The following NSMCE2 variants were observed in gnomAD, a reference collection of about 807,000 sequenced individuals.
NSMCE2 encodes the protein NSE2 SUMO ligase component of SMC5/6 complex.
In NSMCE2, 24 loss-of-function variants were observed where a neutral mutation model predicts 23.8. The ratio of observed to expected loss-of-function variants is 1.01; its 90% CI spans 0.73 to 1.42. The LOEUF (loss-of-function observed/expected upper bound fraction) is 1.42. Among genes scored for constraint, NSMCE2 ranks in the 40% most tolerant of loss-of-function variants. NSMCE2 has a pLI of 0.00. For missense variants in NSMCE2, 284 were observed against 296.5 expected (o/e 0.96, Z 0.31); for synonymous variants, 92 against 94.1 (o/e 0.98, Z 0.13).
intron 5 of NSMCE2, among the ~76,000 whole-genome samples, chr8:125,287,694 C>T (rs1292491772): frequency 6.6e-6 from 1 of 152,122 alleles, no homozygotes; most frequent in Non-Finnish European, 1.5e-5. Context: ...CTAGCTAATG[C>T]CCCTTCTCTC....
intron 4 of NSMCE2, among the ~76,000 whole-genome samples, chr8:125,181,743 T>A (rs753066031): frequency 6.6e-6 from 1 of 151,892 alleles, no homozygotes; most frequent in Non-Finnish European, 1.5e-5. Flanking sequence ...AATAACCACT[T>A]GTGAGTGTGA....
intron 5 of NSMCE2, among the ~76,000 whole-genome samples, chr8:125,279,737 T>G (rs1827621581): frequency 6.6e-6 from 1 of 152,212 alleles, no homozygotes; most frequent in South Asian, 2.1e-4. Flanking sequence ...CATCCATATT[T>G]AAAATGTTGA....
At chr8:125,243,503 A>T (rs200227292) in intron 5 of NSMCE2, among the ~76,000 whole-genome samples, 3,776 of 91,028 alleles carry the variant, frequency 0.041, 72 homozygotes, top group African/African-American at 0.18. Flanking sequence ...TAATTTTTTA[A>T]AAAAAAAAAC....
intron 5 of NSMCE2, among the ~76,000 whole-genome samples, chr8:125,269,957 G>A (rs1827105950): frequency 6.6e-6 from 1 of 152,182 alleles, no homozygotes; most frequent in African/African-American, 2.4e-5. Context: ...ATGCAAGGCT[G>A]AACTAAAGGA....
At chr8:125,340,997 G>A (rs941581647) in intron 5 of NSMCE2, among the ~76,000 whole-genome samples, 3 of 152,002 alleles carry the variant, frequency 2.0e-5, no homozygotes, top group Non-Finnish European at 4.4e-5. Context: ...CCCTGCTTAC[G>A]TGTTCCCTCA....
chr8:125,220,045 C>T (rs1824783597), intron 5 of NSMCE2, among the ~76,000 whole-genome samples: 1 of 152,156 alleles, frequency 6.6e-6, no homozygotes, highest in South Asian at 2.1e-4. Flanking sequence ...TTTTGAAAGG[C>T]AGACCAAACC....
At chr8:125,320,989 G>A (rs1328817307) in intron 5 of NSMCE2, among the ~76,000 whole-genome samples, 2 of 151,680 alleles carry the variant, frequency 1.3e-5, no homozygotes, top group Admixed American at 6.6e-5. Flanking sequence ...GAAGAGAGAG[G>A]GGCTACGCAC....
chr8:125,104,495 C>G (rs1254784811), intron 3 of NSMCE2, among the ~76,000 whole-genome samples: 2 of 152,192 alleles, frequency 1.3e-5, no homozygotes, highest in Non-Finnish European at 2.9e-5. Flanking sequence ...TGCGATAGCT[C>G]TACTCTGGCT....
At chr8:125,159,675 C>G (rs990778400) in intron 4 of NSMCE2, among the ~76,000 whole-genome samples, 1 of 152,162 alleles carries the variant, frequency 6.6e-6, no homozygotes, top group Non-Finnish European at 1.5e-5. Context: ...TGGAATGTAT[C>G]TCCTGTGGAT....
At chr8:125,249,269 A>G (rs1022427988) in intron 5 of NSMCE2, among the ~76,000 whole-genome samples, 34 of 152,148 alleles carry the variant, frequency 2.2e-4, no homozygotes, top group African/African-American at 8.2e-4. Flanking sequence ...AATTTTAAAG[A>G]TCTCAAAAAA....
rs1384893089 is a variant in NSMCE2 at position 125,303,120 on chromosome 8, A to G, written c.419-54099A>G. ...GGTAGAATCAAAGGCCAAAATACCA[A>G]AGGTTCAGTTTCCTGTTACTGACCA... On this transcript the variant is annotated intron_variant, in intron 5 of 7. Coordinates refer to ENST00000287437, the MANE Select transcript of NSMCE2 (RefSeq NM_173685.4). Among the ~76,000 whole-genome samples, 3 of 152,178 alleles carry G rather than the reference A, an allele frequency of 2.0e-5. No individual in the cohort carries two copies. In the East Asian group the frequency reaches 5.8e-4, roughly 29 times the overall value.
rs1287644129 is a variant in NSMCE2, at chr8:125,110,208, G to A, written c.157+7721G>A. 2.0e-5 allele frequency among the ~76,000 whole-genome samples: 3 copies of A among 152,116 alleles called. No individual in the cohort carries two copies. The East Asian group carries it at 5.8e-4, about 29-fold the overall frequency. Reference sequence around the variant, plus strand: ...GGCAAGTCTGTGAATGGGCTTCAGAGGTTTGGTTAATGCTCTGCAATTCTA... The same window carrying A: ...GGCAAGTCTGTGAATGGGCTTCAGAAGTTTGGTTAATGCTCTGCAATTCTA... On this transcript the variant is annotated intron_variant, in intron 3 of 7. Coordinates refer to ENST00000287437, the MANE Select transcript of NSMCE2 (RefSeq NM_173685.4).
intron 5 of NSMCE2, among the ~76,000 whole-genome samples, chr8:125,341,891 G>C (rs1009196036): frequency 6.7e-4 from 38 of 56,930 alleles, no homozygotes; most frequent in Admixed American, 1.5e-3. Context: ...TGAGGATCTA[G>C]AAATGGAAAA....
intron 5 of NSMCE2, among the ~76,000 whole-genome samples, chr8:125,234,086 G>A (rs34246020): frequency 0.066 from 10,024 of 151,120 alleles, 428 homozygotes; most frequent in South Asian, 0.15. Flanking sequence ...CCAGCTACTC[G>A]AGAGGCTGAA....
intron 7 of NSMCE2, among the ~76,000 whole-genome samples, chr8:125,360,241 G>T (rs1273707991): frequency 6.6e-6 from 1 of 152,190 alleles, no homozygotes; most frequent in African/African-American, 2.4e-5. Flanking sequence ...CCCCGTGGAA[G>T]TGTCCAGGAA....
chr8:125,300,169 CT>C (rs531442143), intron 5 of NSMCE2, among the ~76,000 whole-genome samples: 547 of 142,026 alleles, frequency 3.9e-3, no homozygotes, highest in African/African-American at 8.6e-3. Context: ...GGCTGTGCCT[CT>C]TTTTTTTTTT....
chr8:125,198,890 T>C (rs2130852173), intron 5 of NSMCE2, among the ~76,000 whole-genome samples: 1 of 152,346 alleles, frequency 6.6e-6, no homozygotes, highest in African/African-American at 2.4e-5. Context: ...ATTCAGAGAT[T>C]CCACTTCTTC....
intron 3 of NSMCE2, among the ~76,000 whole-genome samples, chr8:125,143,098 GCACACA>G (rs56704513): frequency 1.8e-4 from 27 of 148,472 alleles, no homozygotes; most frequent in South Asian, 2.2e-4. Context: ...GTGGGTGCAC[GCACACA>G]CACACACACA....
At chr8:125,212,082 A>G (rs1031884253) in intron 5 of NSMCE2, among the ~76,000 whole-genome samples, 1 of 152,170 alleles carries the variant, frequency 6.6e-6, no homozygotes, top group African/African-American at 2.4e-5. Flanking sequence ...AGAGAGAGCC[A>G]TTGCTTCCTA....
Sources: allele counts gnomAD v4.1 joint callset (sites outside exome capture counted in the v4.1 genomes callset), GRCh38; gene constraint gnomAD v4.1.1; transcripts MANE v1.5; gene names NCBI Gene and HGNC (gene_info 2026-07-23, HGNC 2026-07-21).